The following LRSAM1 variants were observed in gnomAD, a reference collection of about 807,000 sequenced individuals.
LRSAM1 encodes the protein leucine rich repeat and sterile alpha motif containing 1, also known as E3 ubiquitin-protein ligase LRSAM1.
LRSAM1 carries 96 observed loss-of-function variants against 118.1 expected under a neutral mutation model. That is an observed-to-expected ratio of 0.81 (90% CI 0.69 to 0.96). LRSAM1 has a LOEUF of 0.96. LRSAM1 is among the 40% of genes least tolerant of loss of function. The probability of loss-of-function intolerance (pLI) is 0.00; values close to 1 mark genes in which losing one functional copy is unlikely to be tolerated. For missense variants in LRSAM1, 804 were observed against 915.5 expected, an observed-to-expected ratio of 0.88 and a Z score of 1.57; for synonymous variants, 322 against 364.2, an observed-to-expected ratio of 0.88 and a Z score of 1.32.
intron 5 of LRSAM1, 25 bp downstream of exon 5, chr9:127,455,645 G>A (rs778245782): frequency 6.2e-7 from 1 of 1,612,758 alleles, no homozygotes; most frequent in South Asian, 1.1e-5. Flanking sequence ...CATCTTCAGA[G>A]ACTTTCTTGT....
intron 12 of LRSAM1, 143 bp downstream of exon 12, chr9:127,479,106 C>T (rs1305973834): frequency 8.4e-6 from 8 of 952,372 alleles, no homozygotes; most frequent in Non-Finnish European, 1.3e-5. Context: ...CAGTCTGCTG[C>T]ATCCTCACAT....
chr9:127,481,126 G>A (rs1380256919), intron 14 of LRSAM1, 57 bp from the exon 15 acceptor site: 8 of 1,598,834 alleles, frequency 5.0e-6, no homozygotes, highest in Non-Finnish European at 6.0e-6. Flanking sequence ...CTAACGCAGT[G>A]AGACAGGAAA....
intron 7 of LRSAM1, among the ~76,000 whole-genome samples, chr9:127,460,850 T>G (rs902669079): frequency 8.7e-6 from 1 of 115,248 alleles, no homozygotes; most frequent in East Asian, 2.3e-4. Context: ...TTTCTTTCTT[T>G]TTTTTTTTTT....
At chr9:127,480,020 C>T (rs201167958) in intron 14 of LRSAM1, 42 bp downstream of exon 14, 24 of 1,613,782 alleles carry the variant, frequency 1.5e-5, no homozygotes, top group South Asian at 8.8e-5. Context: ...AGTCCTTCCC[C>T]GTGCAGTCCC....
At chr9:127,491,127 G>C in intron 19 of LRSAM1, 88 bp from the exon 20 acceptor site, 1 of 1,118,916 alleles carries the variant, frequency 8.9e-7, no homozygotes, top group Non-Finnish European at 1.4e-6. Flanking sequence ...AGGCTTCTTA[G>C]ACCCACTTGG....
intron 6 of LRSAM1, 28 bp downstream of exon 6, chr9:127,457,421 G>T: frequency 1.9e-6 from 3 of 1,610,616 alleles, no homozygotes; most frequent in Admixed American, 1.7e-5. Flanking sequence ...CAGGCAGCTG[G>T]GGCTCTGCAT....
intron 14 of LRSAM1, 105 bp downstream of exon 14, chr9:127,480,083 G>C: frequency 6.6e-7 from 1 of 1,509,400 alleles, no homozygotes; most frequent in South Asian, 1.1e-5. Context: ...CCCCTGCCCC[G>C]GGCTTCCCTT....
chr9:127,454,613 G>C lies in LRSAM1; in HGVS notation c.72+14G>C. The C allele has an allele frequency of 6.2e-7, 1 of 1,612,794 alleles. No individual in the cohort carries two copies. Among genetic ancestry groups the C allele is most frequent in the Non-Finnish European group, 8.5e-7 (1 of 1,179,324 alleles). Reference sequence around the variant, plus strand: ...CAGATGTGTTTGGTGAGGGAAAGTGGGTTTCCTCTAACTCTATCCCATCTC... The same window carrying C: ...CAGATGTGTTTGGTGAGGGAAAGTGCGTTTCCTCTAACTCTATCCCATCTC... On this transcript the variant is annotated intron_variant, in intron 3 of 25. Transcript: ENST00000300417.
In LRSAM1 at chr9:127,460,847, CTTTTTTTTTTT is replaced by C. The variant is rs58140930; in HGVS notation, c.322-310_322-300del. 7.9e-4 allele frequency among the ~76,000 whole-genome samples: 61 copies of C among 77,428 alleles called. 4 individuals carry two copies. Among genetic ancestry groups the C allele is most frequent in the East Asian group, 6.1e-3 (15 of 2,474 alleles). The allele number at this position is 77,428 out of a possible 152,430, so 50.8% of individuals were successfully genotyped here. On this transcript the variant is annotated intron_variant, in intron 7 of 25. Transcript: ENST00000300417. Reference sequence around the variant, plus strand: ...TCGTGTCACCTCTTCCTGTTTCTTTCTTTTTTTTTTTTTTTTTTTTTTTTTTGAGACGGAGT... The same window carrying C: ...TCGTGTCACCTCTTCCTGTTTCTTTCTTTTTTTTTTTTTTTGAGACGGAGT...
At position 127,473,883 on chromosome 9, in the gene LRSAM1, C is replaced by A. The variant is rs777755879; in HGVS notation, c.702C>A (p.Ser234Arg). 5 of 1,614,236 alleles carry A rather than the reference C, an allele frequency of 3.1e-6. No individual in the cohort carries two copies. In the South Asian group the frequency reaches 5.5e-5, roughly 18 times the overall value. The part of the protein sequence containing the change: ...EQDGIENSRD[S>R]PDGPTDRFSR... The stretch of plus-strand genomic sequence containing the variant: ...ATGGAATCGAGAACTCTCGGGACAG[C>A]CCTGATGGGCCCACGGACAGATTCT... Residue 234 changes from serine to arginine, a missense_variant, in exon 11 of 26, where the codon AGC becomes AGA. By Grantham distance (110) the Ser-to-Arg change is moderately radical. Coordinates refer to ENST00000300417, the MANE Select transcript of LRSAM1 (RefSeq NM_001005373.4).
At chr9:127,499,064 A>G (rs1172513499) in intron 24 of LRSAM1, among the ~76,000 whole-genome samples, 2 of 149,658 alleles carry the variant, frequency 1.3e-5, no homozygotes, top group Non-Finnish European at 3.0e-5. Flanking sequence ...TCAAAAAAAA[A>G]AAAGAAAAAG....
chr9:127,499,932 A>G, intron 24 of LRSAM1, among the ~76,000 whole-genome samples: 1 of 152,158 alleles, frequency 6.6e-6, no homozygotes, highest in African/African-American at 2.4e-5. Flanking sequence ...TCAAAAAAAA[A>G]AAGAAAAACT....
At chr9:127,463,003 C>G (rs576931796) in intron 9 of LRSAM1, among the ~76,000 whole-genome samples, 5 of 151,932 alleles carry the variant, frequency 3.3e-5, no homozygotes, top group Non-Finnish European at 7.4e-5. Flanking sequence ...CGAGACCAGC[C>G]TGGCCAACAT....
At chr9:127,484,054 A>G (rs965237099) in intron 16 of LRSAM1, among the ~76,000 whole-genome samples, 5 of 152,058 alleles carry the variant, frequency 3.3e-5, no homozygotes, top group African/African-American at 1.2e-4. Flanking sequence ...CTCAACTGAA[A>G]CTGTCCCTAG....
At chr9:127,500,665 C>T (rs1024350216) in intron 24 of LRSAM1, among the ~76,000 whole-genome samples, 2 of 152,198 alleles carry the variant, frequency 1.3e-5, no homozygotes, top group African/African-American at 4.8e-5. Context: ...AGTGACTCCC[C>T]GTCTCTGAGC....
rs1835452857 is a variant in LRSAM1 at position 127,479,466 on chromosome 9, C to A, written c.864C>A (p.Ser288Arg). 1.2e-6 allele frequency: 2 copies of A among 1,614,098 alleles called. No homozygotes were observed. Among genetic ancestry groups the A allele is most frequent in the Non-Finnish European group, 1.7e-6 (2 of 1,180,012 alleles). The stretch of plus-strand genomic sequence containing the variant: ...AGCACACCCAGCTCCTTCAGCAGAG[C>A]AGCAGCCAGAAGGATGAGATCCTTC... ...QREHTQLLQQ[S>R]SSQKDEILQT... The change falls in exon 13 of 26, where the codon AGC (serine) becomes AGA (arginine). Residue 288 changes from serine (S) to arginine (R), a missense_variant. Ser to Arg is a moderately radical substitution (Grantham distance 110, BLOSUM62 -1). Coordinates refer to ENST00000300417, the MANE Select transcript of LRSAM1 (RefSeq NM_001005373.4).
At chr9:127,463,573 TAGA>T (rs2132018060) in intron 9 of LRSAM1, among the ~76,000 whole-genome samples, 1 of 152,248 alleles carries the variant, frequency 6.6e-6, no homozygotes, top group Non-Finnish European at 1.5e-5. Context: ...TCCCTCCTCT[TAGA>T]AGCACACCAG....
chr9:127,466,297 ACT>A (rs1834918819), intron 9 of LRSAM1, among the ~76,000 whole-genome samples: 1 of 151,654 alleles, frequency 6.6e-6, no homozygotes, highest in South Asian at 2.1e-4. Flanking sequence ...ACACAGCAAG[ACT>A]CTGTCTCAAA....
chr9:127,459,220 T>TG (rs908677608), intron 7 of LRSAM1, 149 bp downstream of exon 7: 6 of 651,316 alleles, frequency 9.2e-6, no homozygotes, highest in East Asian at 6.4e-5. Flanking sequence ...CTTTGGGGTT[T>TG]TTTTTTTTTT....
Sources: allele counts gnomAD v4.1 joint callset (sites outside exome capture counted in the v4.1 genomes callset), GRCh38; gene constraint gnomAD v4.1.1; transcripts MANE v1.5; gene names NCBI Gene and HGNC (gene_info 2026-07-23, HGNC 2026-07-21).